The following SLC30A6 variants were observed in gnomAD, a reference collection of about 807,000 sequenced individuals.
SLC30A6 encodes the protein zinc transporter 6.
SLC30A6 carries 55 observed loss-of-function variants against 63.0 expected under a neutral mutation model. The observed-to-expected ratio is 0.87, with a 90% CI of 0.70 to 1.09. SLC30A6 has a LOEUF of 1.09. Ranked by LOEUF, SLC30A6 falls within the 50% of genes least tolerant of loss-of-function variation. SLC30A6 has a pLI of 0.00. For synonymous variants in SLC30A6, 224 were observed against 186.1 expected (o/e 1.20, Z -1.66); for missense variants, 587 against 549.2 (o/e 1.07, Z -0.69).
chr2:32,184,518 A>T (rs1378247607), intron 5 of SLC30A6, among the ~76,000 whole-genome samples, 180 bp downstream of exon 5: 3 of 152,234 alleles, frequency 2.0e-5, no homozygotes, highest in Non-Finnish European at 4.4e-5. Context: ...TAATCCCAGC[A>T]CTTTGGGAGG....
chr2:32,195,912 T>C (rs1168326138), intron 8 of SLC30A6, among the ~76,000 whole-genome samples: 1 of 152,118 alleles, frequency 6.6e-6, no homozygotes, highest in Admixed American at 6.6e-5. Context: ...TAGCTGGGCT[T>C]GGTAGCATGT....
intron 11 of SLC30A6, among the ~76,000 whole-genome samples, chr2:32,204,937 C>T (rs1479355034): frequency 6.6e-6 from 1 of 151,532 alleles, no homozygotes; most frequent in Non-Finnish European, 1.5e-5. Context: ...CCTCAGTCTC[C>T]TGAGTAACAA....
intron 5 of SLC30A6, among the ~76,000 whole-genome samples, chr2:32,190,699 A>G (rs902248560): frequency 1.3e-5 from 2 of 152,118 alleles, no homozygotes; most frequent in African/African-American, 4.8e-5. Context: ...AATTCGGCTC[A>G]CTTCAACCTC....
chr2:32,201,274 T>C (rs1684268504), intron 10 of SLC30A6, among the ~76,000 whole-genome samples: 1 of 152,252 alleles, frequency 6.6e-6, no homozygotes, highest in Non-Finnish European at 1.5e-5. Flanking sequence ...CTTGTAATTA[T>C]TGGCATTTTG....
chr2:32,197,327 G>T lies in SLC30A6; in HGVS notation c.497-17G>T. The T allele has an allele frequency of 6.2e-7, 1 of 1,602,622 alleles. No individual in the cohort carries two copies. The highest frequency in any genetic ancestry group is 8.5e-7 in the Non-Finnish European group (1 of 1,174,038). ...TTTTTCTTCTATATAGATAATTTAA[G>T]TATTTTCTTCTTAAAGCTGCTAGTA... On this transcript the variant is annotated splice_polypyrimidine_tract_variant and intron_variant, in intron 8 of 13. Transcript: ENST00000282587.
intron 1 of SLC30A6, 75 bp from the exon 2 acceptor site, chr2:32,171,212 C>T: frequency 8.3e-7 from 1 of 1,206,122 alleles, no homozygotes; most frequent in South Asian, 1.3e-5. Flanking sequence ...ATCATAGGAA[C>T]CACTATATCA....
chr2:32,217,385 TG>T (rs768074124), intron 13 of SLC30A6, among the ~76,000 whole-genome samples: 23 of 152,210 alleles, frequency 1.5e-4, no homozygotes, highest in Admixed American at 2.6e-4. Context: ...TGTAGGTATG[TG>T]GCTTTATTTC....
At chr2:32,167,295 G>C (rs953636748) in intron 1 of SLC30A6, among the ~76,000 whole-genome samples, 2 of 151,346 alleles carry the variant, frequency 1.3e-5, no homozygotes, top group Non-Finnish European at 2.9e-5. Flanking sequence ...GGCTGATCGC[G>C]AACTCCTGAC....
chr2:32,198,855 C>T (rs1056060690), intron 10 of SLC30A6, among the ~76,000 whole-genome samples: 9 of 152,084 alleles, frequency 5.9e-5, no homozygotes, highest in Admixed American at 5.9e-4. Flanking sequence ...TGACTGTAAT[C>T]CCAACATAGA....
In SLC30A6 at chr2:32,204,692, G is replaced by T; in HGVS notation, c.768G>T (p.Gln256His). The T allele has an allele frequency of 6.3e-7, 1 of 1,587,338 alleles. No individual in the cohort carries two copies. Among genetic ancestry groups the T allele is most frequent in the Non-Finnish European group, 8.6e-7 (1 of 1,161,546 alleles). The change falls in exon 11 of 14, where the codon CAG (glutamine) becomes CAT (histidine). Residue 256 changes from glutamine (Q) to histidine (H), a missense_variant and splice_region_variant. Transcript: ENST00000282587. ...MSVYSGKVLLQTTPPHVIGQL... is the reference protein window; with the variant it reads ...MSVYSGKVLLHTTPPHVIGQL... The stretch of plus-strand genomic sequence containing the variant: ...TGTACAGTGGGAAAGTCTTACTCCA[G>T]GTAAGGTGCTTCTTCCAATGCACGT...
At chr2:32,204,252 G>A (rs920406934) in intron 10 of SLC30A6, among the ~76,000 whole-genome samples, 2 of 151,970 alleles carry the variant, frequency 1.3e-5, no homozygotes, top group Non-Finnish European at 2.9e-5. Context: ...TTTTTTGTCT[G>A]TCTCAAGCAA....
chr2:32,220,478 C>T lies in SLC30A6; in HGVS notation c.1151C>T (p.Pro384Leu). 2 of 1,614,166 alleles carry T rather than the reference C, an allele frequency of 1.2e-6. No individual in the cohort carries two copies. Among genetic ancestry groups the T allele is most frequent in the Non-Finnish European group, 1.7e-6 (2 of 1,180,028 alleles). ...ACTCCAGCTAAACCTAGTAGTCCACCTCCAGAATTTTCATTTAACACTCCT... is the reference window on the plus strand; with the variant it reads ...ACTCCAGCTAAACCTAGTAGTCCACTTCCAGAATTTTCATTTAACACTCCT... ...TSTPAKPSSP[P>L]PEFSFNTPGK... The change falls in exon 14 of 14, where the codon CCT becomes CTT. Residue 384 changes from proline (P) to leucine (L), a missense_variant. Coordinates refer to ENST00000282587, the MANE Select transcript of SLC30A6 (RefSeq NM_017964.5).
chr2:32,183,339 A>G (rs1411060254), intron 4 of SLC30A6, among the ~76,000 whole-genome samples: 4 of 152,130 alleles, frequency 2.6e-5, no homozygotes, highest in African/African-American at 7.2e-5. Flanking sequence ...TAAGGATTAC[A>G]AAATACTTTG....
intron 1 of SLC30A6, among the ~76,000 whole-genome samples, chr2:32,168,262 C>T (rs1406927725): frequency 6.6e-6 from 1 of 151,750 alleles, no homozygotes; most frequent in Non-Finnish European, 1.5e-5. Context: ...AAACCTATGG[C>T]ACTATATCTT....
rs764491096 is a variant in SLC30A6 at position 32,197,389 on chromosome 2, G to A, written c.542G>A (p.Arg181Gln). The change falls in exon 9 of 14, where the codon CGA (arginine) becomes CAA (glutamine). Residue 181 changes from arginine to glutamine, a missense_variant. Arg to Gln is a conservative substitution (Grantham distance 43, BLOSUM62 1). Coordinates refer to ENST00000282587, the MANE Select transcript of SLC30A6 (RefSeq NM_017964.5). ...CAAGAGCATGTTGCAGATCTTAGTC[G>A]AAGGTAAGATGTTATGGAGTTTCAT... Reference protein sequence around the residue: ...WLQEHVADLSRSLCGIIPGLS... With the variant: ...WLQEHVADLSQSLCGIIPGLS... The A allele has an allele frequency of 1.9e-6, 3 of 1,612,560 alleles. No individual in the cohort carries two copies. Among genetic ancestry groups the A allele is most frequent in the South Asian group, 1.1e-5 (1 of 90,994 alleles).
At chr2:32,220,178 A>G (rs907424724) in intron 13 of SLC30A6, 35 bp from the exon 14 acceptor site, 1 of 1,579,436 alleles carries the variant, frequency 6.3e-7, no homozygotes. Flanking sequence ...GTATAATTCT[A>G]AGCAATCTCT....
chr2:32,203,199 C>T, intron 10 of SLC30A6: 3 of 1,152,770 alleles, frequency 2.6e-6, no homozygotes, highest in Non-Finnish European at 3.9e-6. Context: ...TTCTCCTCCT[C>T]AGGATGTTGA....
At chr2:32,177,513 A>G in intron 4 of SLC30A6, 1 of 238,242 alleles carries the variant, frequency 4.2e-6, no homozygotes, top group Non-Finnish European at 8.9e-6. Context: ...GCTGGTCTCA[A>G]ACTCCTGACC....
intron 1 of SLC30A6, among the ~76,000 whole-genome samples, chr2:32,169,836 G>C (rs12465351): frequency 0.5 from 76,036 of 152,014 alleles, 19,271 homozygotes; most frequent in East Asian, 0.63. Context: ...AAAGTATCAA[G>C]AGAAATCATG....
Sources: gnomAD v4.1 joint callset for allele counts (sites outside exome capture counted in the v4.1 genomes callset) on GRCh38, gnomAD v4.1.1 for gene constraint, MANE v1.5 for transcripts, NCBI Gene and HGNC (gene_info 2026-07-23, HGNC 2026-07-21) for gene names.